The following DESI2 variants were observed in gnomAD, a reference collection of about 807,000 sequenced individuals.
The protein encoded by DESI2 is desumoylating isopeptidase 2.
In DESI2, 10 loss-of-function variants were observed where a neutral mutation model predicts 24.1. The ratio of observed to expected loss-of-function variants is 0.41; its 90% confidence interval spans 0.26 to 0.70. The LOEUF is 0.70. Among genes scored for constraint, DESI2 ranks in the 30% least tolerant of loss-of-function variants. The pLI is 0.29. For missense variants in DESI2, 122 were observed against 234.9 expected (o/e 0.52, Z 3.14); for synonymous variants, 71 against 87.7 (o/e 0.81, Z 1.06).
At chr1:244,686,930 A>C (rs1676847124) in intron 2 of DESI2, among the ~76,000 whole-genome samples, 1 of 152,184 alleles carries the variant, frequency 6.6e-6, no homozygotes, top group South Asian at 2.1e-4. Flanking sequence ...ACTATGTTTT[A>C]AAAAATATTT....
chr1:244,663,878 C>A (rs963167094), intron 1 of DESI2, among the ~76,000 whole-genome samples: 1 of 151,928 alleles, frequency 6.6e-6, no homozygotes, highest in Non-Finnish European at 1.5e-5. Flanking sequence ...ATTAGCCAGG[C>A]GTGGTGGCGG....
intron 4 of DESI2, among the ~76,000 whole-genome samples, chr1:244,700,422 AGTTGGCTCAT>A (rs1405708848): frequency 1.3e-5 from 2 of 151,950 alleles, no homozygotes; most frequent in Non-Finnish European, 2.9e-5. Flanking sequence ...AGCCTCTTCA[AGTTGGCTCAT>A]AAGTCTTTTG....
Position 244,689,517 on chromosome 1 carries a change from CTT to C in DESI2, c.209+184_209+185del, listed in dbSNP as rs35130686. Among the ~76,000 whole-genome samples the C allele has an allele frequency of 6.7e-6, 1 of 148,962 alleles. No individual in the cohort carries two copies. The stretch of plus-strand genomic sequence containing the variant: ...TGCCTCAGGAAACTCATTTCTTTTC[CTT>C]TTTTTTTTGAGATGGAGTCTCACTC... On this transcript the variant is annotated intron_variant, in intron 3 of 4. Transcript: ENST00000302550. This position sits in a 1 kb window ranked among gnomAD's most constrained non-coding sequence, Gnocchi z 4.0.
intron 1 of DESI2, among the ~76,000 whole-genome samples, chr1:244,682,269 T>C (rs183149173): frequency 6.6e-6 from 1 of 152,164 alleles, no homozygotes; most frequent in Non-Finnish European, 1.5e-5. Context: ...GAGTGCTGAT[T>C]GGTCTGTTTT....
At chr1:244,662,344 A>G (rs1439382479) in intron 1 of DESI2, among the ~76,000 whole-genome samples, 2 of 152,170 alleles carry the variant, frequency 1.3e-5, no homozygotes, top group African/African-American at 4.8e-5. Flanking sequence ...GTGTGTGAAC[A>G]TGGGTTTATA....
rs1573243307 is a variant in DESI2, at chr1:244,707,514, G to A, written c.*1725G>A. On this transcript the variant is annotated 3_prime_UTR_variant, in exon 5 of 5. Transcript: ENST00000302550. ...GAATATATGAACTTAATGAGATGTCGACTTGGTTCAGGTCTAAAAATGAGG... is the reference window on the plus strand; with the variant it reads ...GAATATATGAACTTAATGAGATGTCAACTTGGTTCAGGTCTAAAAATGAGG... 1 of 152,568 alleles carries A rather than the reference G, an allele frequency of 6.6e-6. No individual in the cohort carries two copies. Among genetic ancestry groups the A allele is most frequent in the South Asian group, 2.1e-4 (1 of 4,830 alleles). The allele number at this position is 152,568 out of a possible 1,614,324, so 9.5% of individuals were successfully genotyped here.
At chr1:244,677,902 A>G (rs555639207) in intron 1 of DESI2, among the ~76,000 whole-genome samples, 6 of 152,310 alleles carry the variant, frequency 3.9e-5, no homozygotes, top group African/African-American at 1.4e-4. Flanking sequence ...CCTAGGCGAC[A>G]GAGTGAGACC....
chr1:244,687,374 G>A (rs1676861397), intron 2 of DESI2, among the ~76,000 whole-genome samples: 1 of 152,178 alleles, frequency 6.6e-6, no homozygotes, highest in African/African-American at 2.4e-5. Context: ...CCCTGATCAA[G>A]TTGTAACTAA....
chr1:244,680,973 A>G (rs1318188919), intron 1 of DESI2, among the ~76,000 whole-genome samples: 3 of 145,570 alleles, frequency 2.1e-5, no homozygotes, highest in African/African-American at 7.6e-5. Context: ...TTTAAGTATT[A>G]CCATGGACTC....
rs528836269 is a variant in DESI2 at position 244,698,457 on chromosome 1, G to T, written c.351+6437G>T. Among the ~76,000 whole-genome samples the T allele has an allele frequency of 5.6e-4, 86 of 152,330 alleles. 1 individual carries two copies. Among genetic ancestry groups the T allele is most frequent in the African/African-American group, 2.0e-3 (82 of 41,570 alleles). On this transcript the variant is annotated intron_variant, in intron 4 of 4. Transcript: ENST00000302550. ...TCTAGCCTGATGTGCATAATTTTGA[G>T]TGGGTCTTAGAAAGCACTTAGGAAA...
intron 1 of DESI2, among the ~76,000 whole-genome samples, chr1:244,667,197 C>G (rs1322759299): frequency 6.6e-6 from 1 of 152,166 alleles, no homozygotes; most frequent in Non-Finnish European, 1.5e-5. Context: ...ACCCAAAAGT[C>G]CACAGTCCAA....
At position 244,669,841 on chromosome 1, in the gene DESI2, G is replaced by C. The variant is rs576566855; in HGVS notation, c.42+16486G>C. On this transcript the variant is annotated intron_variant, in intron 1 of 4. Transcript: ENST00000302550. The stretch of plus-strand genomic sequence containing the variant: ...CTGTAAGGTCCTAGCACCAAAGTAA[G>C]ATGTGGTTCTCCAGCCCTCTGCTCA... Among the ~76,000 whole-genome samples, 73 of 152,292 alleles carry C rather than the reference G, an allele frequency of 4.8e-4. 1 individual carries two copies. Among genetic ancestry groups the C allele is most frequent in the African/African-American group, 1.7e-3 (69 of 41,558 alleles).
chr1:244,682,050 C>G (rs1676632526), intron 1 of DESI2, among the ~76,000 whole-genome samples: 2 of 152,224 alleles, frequency 1.3e-5, no homozygotes, highest in Non-Finnish European at 2.9e-5. Flanking sequence ...AGGAATGAAG[C>G]TGCAGACCCT....
At chr1:244,675,720 A>G (rs1223278629) in intron 1 of DESI2, among the ~76,000 whole-genome samples, 1 of 152,208 alleles carries the variant, frequency 6.6e-6, no homozygotes, top group Non-Finnish European at 1.5e-5. Flanking sequence ...TCTGAGTCCT[A>G]TAACTTTTTC....
In DESI2 at chr1:244,706,022, ATTTATTTCTTCT is replaced by A; in HGVS notation, c.*234_*245del. On this transcript the variant is annotated 3_prime_UTR_variant, in exon 5 of 5. Transcript: ENST00000302550. ...TTTTTTTATCCACTCGTAAATCTGG[ATTTATTTCTTCT>A]GTTTTATACAAGCTCTGTTAAGTTA... 1 of 511,938 alleles carries A rather than the reference ATTTATTTCTTCT, an allele frequency of 2.0e-6. No homozygotes were observed. Among genetic ancestry groups the A allele is most frequent in the Non-Finnish European group, 3.5e-6 (1 of 285,872 alleles). 31.7% of individuals were successfully genotyped at this position (511,938 alleles called of 1,614,324 possible). A position where few individuals can be genotyped will look rare whatever the true frequency, so the allele number is the denominator to read the frequency against.
intron 4 of DESI2, among the ~76,000 whole-genome samples, chr1:244,702,903 T>C (rs1472592925): frequency 6.6e-6 from 1 of 152,074 alleles, no homozygotes; most frequent in Non-Finnish European, 1.5e-5. Flanking sequence ...ATTAACTAAA[T>C]AGTCTTAGTC....
At chr1:244,693,920 A>G (rs780912663) in intron 4 of DESI2, among the ~76,000 whole-genome samples, 8 of 152,224 alleles carry the variant, frequency 5.3e-5, no homozygotes, top group South Asian at 4.1e-4. Context: ...TGTAAAAGCT[A>G]CCTTTGGAAT....
intron 1 of DESI2, among the ~76,000 whole-genome samples, chr1:244,659,900 T>C (rs1384689538): frequency 1.3e-5 from 2 of 152,192 alleles, no homozygotes; most frequent in East Asian, 1.9e-4. Context: ...AGAATAAATA[T>C]TGACCTAGTA....
intron 4 of DESI2, among the ~76,000 whole-genome samples, chr1:244,702,830 A>T (rs1277690375): frequency 6.6e-6 from 1 of 152,176 alleles, no homozygotes; most frequent in Non-Finnish European, 1.5e-5. Context: ...TTACTGAATG[A>T]AATTAGGACT....
Sources: gnomAD v4.1 joint callset for allele counts (sites outside exome capture counted in the v4.1 genomes callset) on GRCh38, gnomAD v4.1.1 for gene constraint, Gnocchi (gnomAD v3.1) non-coding constraint, MANE v1.5 for transcripts, NCBI Gene and HGNC (gene_info 2026-07-23, HGNC 2026-07-21) for gene names.